The following OCA2 variants were observed in gnomAD, a reference collection of about 807,000 sequenced individuals.
OCA2 encodes the protein P protein.
In OCA2, 77 loss-of-function variants were observed where a neutral mutation model predicts 100.2. The ratio of observed to expected loss-of-function variants is 0.77; its 90% CI spans 0.64 to 0.93. OCA2 has a LOEUF of 0.93. OCA2 is among the 40% of genes least tolerant of loss of function. The pLI is 0.00. For synonymous variants in OCA2, 432 were observed against 439.2 expected (o/e 0.98, Z 0.21); for missense variants, 1,062 against 1,089.1 (o/e 0.98, Z 0.35).
chr15:27,763,997 G>A (rs1314117243), intron 23 of OCA2, among the ~76,000 whole-genome samples: 4 of 152,070 alleles, frequency 2.6e-5, no homozygotes, highest in Non-Finnish European at 2.9e-5. Context: ...CCACTGAGGG[G>A]TGGGGGTTTG....
rs572191958 is a variant in OCA2 at position 28,094,689 on chromosome 15, T to C, written c.-22+4535A>G. ...TCTGCGCTCTTTCTGCCTGCAACCGTGCCCCCGAACTCGGGCCCTGCGAGG... is the reference window on the plus strand; with the variant it reads ...TCTGCGCTCTTTCTGCCTGCAACCGCGCCCCCGAACTCGGGCCCTGCGAGG... On this transcript the variant is annotated intron_variant, in intron 1 of 23. Transcript: ENST00000354638. Among the ~76,000 whole-genome samples the C allele has an allele frequency of 1.8e-3, 272 of 152,300 alleles. 6 individuals are homozygous for C. The highest frequency in any genetic ancestry group is 4.0e-4 in the Non-Finnish European group (27 of 68,022).
chr15:28,077,776 T>C (rs969310496), intron 2 of OCA2, among the ~76,000 whole-genome samples: 2 of 152,198 alleles, frequency 1.3e-5, no homozygotes, highest in Admixed American at 1.3e-4. Context: ...CACACAAACA[T>C]GGGCAATTAG....
At chr15:27,901,543 C>G (rs1283834170) in intron 19 of OCA2, among the ~76,000 whole-genome samples, 1 of 152,224 alleles carries the variant, frequency 6.6e-6, no homozygotes, top group African/African-American at 2.4e-5. Flanking sequence ...ATTCTTTCCC[C>G]AAACCTGACC....
At chr15:27,834,969 C>G (rs1473548913) in intron 23 of OCA2, among the ~76,000 whole-genome samples, 4 of 152,196 alleles carry the variant, frequency 2.6e-5, no homozygotes, top group Non-Finnish European at 4.4e-5. Context: ...GCAAGGAGGC[C>G]TGGCTCTTGA....
chr15:28,063,211 T>C (rs1465949202), intron 2 of OCA2, among the ~76,000 whole-genome samples: 1 of 152,182 alleles, frequency 6.6e-6, no homozygotes, highest in Non-Finnish European at 1.5e-5. Flanking sequence ...TTTTGTCCAA[T>C]ATTAGTATAG....
intron 21 of OCA2, among the ~76,000 whole-genome samples, chr15:27,868,997 G>A (rs376298705): frequency 5.7e-4 from 87 of 152,334 alleles, no homozygotes; most frequent in South Asian, 1.0e-3. Flanking sequence ...CTCCAGGGAA[G>A]GGCCACATGT....
At position 27,983,185 on chromosome 15, in the gene OCA2, C is replaced by T. The variant is rs538977520; in HGVS notation, c.1503+160G>A. On this transcript the variant is annotated intron_variant, in intron 14 of 23. Coordinates refer to ENST00000354638, the MANE Select transcript of OCA2 (RefSeq NM_000275.3). ...CCAGTTAACTCTAGGATTGAAGGACCAGTCACCTAACATCCCAGTCTTGAG... is the reference window on the plus strand; with the variant it reads ...CCAGTTAACTCTAGGATTGAAGGACTAGTCACCTAACATCCCAGTCTTGAG... 5.9e-5 allele frequency among the ~76,000 whole-genome samples: 9 copies of T among 152,274 alleles called. No homozygotes were observed. The East Asian group carries it at 9.7e-4, about 16-fold the overall frequency.
intron 23 of OCA2, among the ~76,000 whole-genome samples, chr15:27,793,770 T>C (rs1384701123): frequency 6.6e-6 from 1 of 152,258 alleles, no homozygotes; most frequent in Non-Finnish European, 1.5e-5. Flanking sequence ...GGCGACTTTG[T>C]GTAGCTGCAG....
At chr15:27,824,621 T>TATATATATATATATATATATAA (rs1315693272) in intron 23 of OCA2, among the ~76,000 whole-genome samples, 2 of 124,152 alleles carry the variant, frequency 1.6e-5, no homozygotes, top group South Asian at 2.7e-4. Context: ...TATATATATA[T>TATATATATATATATATATATAA]AATATAATAT....
intron 2 of OCA2, among the ~76,000 whole-genome samples, chr15:28,049,130 C>T (rs1400061280): frequency 6.6e-6 from 1 of 152,110 alleles, no homozygotes; most frequent in Admixed American, 6.5e-5. Context: ...TACAACTCAA[C>T]AACAAAAATA....
At chr15:28,051,555 G>A (rs1351769491) in intron 2 of OCA2, among the ~76,000 whole-genome samples, 2 of 146,628 alleles carry the variant, frequency 1.4e-5, no homozygotes, top group Non-Finnish European at 3.0e-5. Flanking sequence ...GCCTCCCAAA[G>A]TGCTGGGATT....
intron 23 of OCA2, among the ~76,000 whole-genome samples, chr15:27,800,873 TG>T (rs2033571229): frequency 6.6e-6 from 1 of 150,766 alleles, no homozygotes; most frequent in South Asian, 2.1e-4. Context: ...GAGGCTGAAG[TG>T]GGAAGATTGC....
intron 16 of OCA2, among the ~76,000 whole-genome samples, chr15:27,956,340 A>G (rs965466406): frequency 3.3e-5 from 5 of 151,988 alleles, no homozygotes; most frequent in African/African-American, 1.2e-4. Context: ...CAAGAGCGAA[A>G]CTCCGTCTCA....
At chr15:27,881,724 A>C (rs1186966720) in intron 19 of OCA2, among the ~76,000 whole-genome samples, 2 of 152,064 alleles carry the variant, frequency 1.3e-5, no homozygotes, top group Non-Finnish European at 2.9e-5. Flanking sequence ...TATCCTCTTT[A>C]TCATTTTTTT....
intron 21 of OCA2, among the ~76,000 whole-genome samples, chr15:27,868,166 T>A (rs1415781645): frequency 6.6e-6 from 1 of 152,158 alleles, no homozygotes; most frequent in Non-Finnish European, 1.5e-5. Flanking sequence ...AGTCAGATGA[T>A]GTTTTGGGGG....
chr15:27,764,667 C>A (rs771155173), intron 23 of OCA2, among the ~76,000 whole-genome samples: 1 of 152,120 alleles, frequency 6.6e-6, no homozygotes, highest in Non-Finnish European at 1.5e-5. Context: ...AGAGGCCTTG[C>A]GGTCCACAAA....
intron 2 of OCA2, among the ~76,000 whole-genome samples, chr15:28,059,458 C>G (rs1032991680): frequency 5.9e-5 from 9 of 152,104 alleles, no homozygotes; most frequent in African/African-American, 2.2e-4. Flanking sequence ...GCAGGAGGAC[C>G]CCTTGAGCAC....
intron 17 of OCA2, among the ~76,000 whole-genome samples, 198 bp from the exon 18 acceptor site, chr15:27,952,090 A>C (rs2040050984): frequency 6.6e-6 from 1 of 152,240 alleles, no homozygotes; most frequent in Admixed American, 6.5e-5. Context: ...CAAAATCTTT[A>C]TGAAAGATAA....
At chr15:27,731,578 ATCTT>A in the OCA2 span, among the ~76,000 whole-genome samples, 1 of 152,198 alleles carries the variant, frequency 6.6e-6, no homozygotes, top group African/African-American at 2.4e-5. Context: ...GGTGAACTAC[ATCTT>A]TCTTTGATTT....
Sources: gnomAD v4.1 joint callset for allele counts (sites outside exome capture counted in the v4.1 genomes callset) on GRCh38, gnomAD v4.1.1 for gene constraint, MANE v1.5 for transcripts, NCBI Gene and HGNC (gene_info 2026-07-23, HGNC 2026-07-21) for gene names.